COL23A1: variants seen among roughly 807,000 people sequenced by gnomAD.
The protein encoded by COL23A1 is collagen alpha-1(XXIII) chain.
A neutral mutation model predicts 99.3 loss-of-function variants in COL23A1; 97 were observed. The ratio of observed to expected loss-of-function variants is 0.98; its 90% confidence interval spans 0.83 to 1.16. The LOEUF (loss-of-function observed/expected upper bound fraction) is 1.16, where lower values mean the gene tolerates loss of function less well. Ranked by LOEUF, COL23A1 falls within the 50% of genes most tolerant of loss-of-function variation. COL23A1 has a pLI of 0.00. For synonymous variants in COL23A1, 320 were observed against 308.2 expected, an observed-to-expected ratio of 1.04 and a Z score of -0.40; for missense variants, 762 against 757.4, an observed-to-expected ratio of 1.01 and a Z score of -0.07.
intron 1 of COL23A1, among the ~76,000 whole-genome samples, chr5:178,574,391 CCTTT>C (rs1352587154): frequency 5.9e-5 from 9 of 152,172 alleles, no homozygotes; most frequent in African/African-American, 2.2e-4. Context: ...TAAATTATAT[CCTTT>C]CTTTTTTAAG....
intron 2 of COL23A1, among the ~76,000 whole-genome samples, chr5:178,407,267 G>A (rs1428537324): frequency 6.6e-6 from 1 of 152,188 alleles, no homozygotes; most frequent in Non-Finnish European, 1.5e-5. Flanking sequence ...GTCAATGGAA[G>A]CTCAGTTGAA....
Position 178,326,858 on chromosome 5 carries a change from T to A in COL23A1, c.362-19939A>T, listed in dbSNP as rs181344717. Among the ~76,000 whole-genome samples, 82 of 152,334 alleles carry A rather than the reference T, an allele frequency of 5.4e-4. 1 individual carries two copies. Among genetic ancestry groups the A allele is most frequent in the Non-Finnish European group, 8.8e-5 (6 of 68,036 alleles). ...CCTCAGCCTCCTGGGTAGCTGGGAC[T>A]ACAGGCGCCTGCCACCACGCCTGGC... On this transcript the variant is annotated intron_variant, in intron 2 of 28. Transcript: ENST00000390654.
intron 2 of COL23A1, among the ~76,000 whole-genome samples, chr5:178,445,186 A>G (rs182609321): frequency 2.6e-5 from 4 of 152,358 alleles, no homozygotes; most frequent in Admixed American, 6.5e-5. Flanking sequence ...TACGACATTA[A>G]TTAGTCAAAA....
chr5:178,370,960 G>C (rs1762769504), intron 2 of COL23A1, among the ~76,000 whole-genome samples: 1 of 152,002 alleles, frequency 6.6e-6, no homozygotes, highest in East Asian at 1.9e-4. Flanking sequence ...AAGATCTATT[G>C]TATAACATGA....
At chr5:178,321,402 G>C (rs1014903558) in intron 2 of COL23A1, among the ~76,000 whole-genome samples, 3 of 151,096 alleles carry the variant, frequency 2.0e-5, no homozygotes, top group Non-Finnish European at 2.9e-5. Context: ...CATTTGTCCT[G>C]TGACTGTCTT....
chr5:178,478,605 C>T (rs750697058), intron 2 of COL23A1, among the ~76,000 whole-genome samples: 3 of 152,200 alleles, frequency 2.0e-5, no homozygotes, highest in Non-Finnish European at 4.4e-5. Context: ...GGGCGGCAAA[C>T]GTTTCCTGTG....
chr5:178,556,460 T>C (rs1000239255), intron 2 of COL23A1, among the ~76,000 whole-genome samples: 4 of 150,604 alleles, frequency 2.7e-5, no homozygotes, highest in African/African-American at 9.8e-5. Context: ...CCGTCTCTAA[T>C]AAAAATACAA....
intron 2 of COL23A1, among the ~76,000 whole-genome samples, chr5:178,458,768 A>T (rs1231489301): frequency 1.3e-5 from 2 of 152,234 alleles, no homozygotes; most frequent in African/African-American, 4.8e-5. Context: ...GGCAAGCATG[A>T]TCAACAGCAG....
At chr5:178,345,280 T>C (rs2127668715) in intron 2 of COL23A1, 3 of 663,584 alleles carry the variant, frequency 4.5e-6, no homozygotes, top group African/African-American at 3.6e-5. Context: ...TCGGTGCCAG[T>C]AATCTGCCCC....
intron 2 of COL23A1, among the ~76,000 whole-genome samples, chr5:178,443,988 G>A (rs1325512335): frequency 6.6e-6 from 1 of 152,016 alleles, no homozygotes; most frequent in East Asian, 1.9e-4. Context: ...GATCGCTTGA[G>A]CCTGGGAGAT....
intron 2 of COL23A1, among the ~76,000 whole-genome samples, chr5:178,541,910 C>T (rs1387296171): frequency 6.6e-6 from 1 of 152,174 alleles, no homozygotes; most frequent in African/African-American, 2.4e-5. Flanking sequence ...GGATTATGTG[C>T]CCTGGGGACA....
chr5:178,239,068 T>G, intron 28 of COL23A1, 73 bp downstream of exon 28: 1 of 1,537,574 alleles, frequency 6.5e-7, no homozygotes. Context: ...GCACCCAGGC[T>G]CTGGGGCCCT....
intron 2 of COL23A1, among the ~76,000 whole-genome samples, chr5:178,418,891 C>T (rs10042856): frequency 6.6e-6 from 1 of 152,260 alleles, no homozygotes; most frequent in East Asian, 1.9e-4. Flanking sequence ...TAGGATCATG[C>T]AATTACAGGT....
rs749445815 is a variant in COL23A1, at chr5:178,242,415, T to A, written c.1441-21A>T. On this transcript the variant is annotated intron_variant, in intron 25 of 28. Transcript: ENST00000390654. ...AAACCCTGACAAAAGGATTAGATGC[T>A]AAACCCGAAAATGAGGCTGGAGGTT... The A allele has an allele frequency of 5.6e-6, 9 of 1,613,342 alleles. No homozygotes were observed. In the Admixed American group the frequency reaches 1.3e-4, roughly 24 times the overall value.
chr5:178,564,491 C>G (rs1222422812), intron 1 of COL23A1, among the ~76,000 whole-genome samples: 2 of 151,946 alleles, frequency 1.3e-5, no homozygotes, highest in East Asian at 3.9e-4. Context: ...ATTTTACATT[C>G]AATTATCTGG....
chr5:178,384,221 T>G lies in COL23A1; in HGVS notation c.362-77302A>C, dbSNP rs1007382089. On this transcript the variant is annotated intron_variant, in intron 2 of 28. Transcript: ENST00000390654. The surrounding 1 kb of genome is among the most constrained non-coding windows in gnomAD (Gnocchi z 5.5). ...ACGAGAGCAGCGTGGAGCCAGACGCTGCTGCGAGCTGAGCTGCGATCGCAA... is the reference window on the plus strand; with the variant it reads ...ACGAGAGCAGCGTGGAGCCAGACGCGGCTGCGAGCTGAGCTGCGATCGCAA... Among the ~76,000 whole-genome samples the G allele has an allele frequency of 6.6e-6, 1 of 152,186 alleles. No homozygotes were observed. The highest frequency in any genetic ancestry group is 1.5e-5 in the Non-Finnish European group (1 of 68,042).
chr5:178,561,482 G>A (rs954738826), intron 1 of COL23A1, among the ~76,000 whole-genome samples: 3 of 152,164 alleles, frequency 2.0e-5, no homozygotes, highest in Non-Finnish European at 2.9e-5. Flanking sequence ...CTCCTGGCCC[G>A]ATGGAACCCT....
At chr5:178,311,505 TGCGC>T (rs145792009) in intron 2 of COL23A1, among the ~76,000 whole-genome samples, 69 of 9,628 alleles carry the variant, frequency 7.2e-3, no homozygotes, top group African/African-American at 0.032. Flanking sequence ...TGTGTGTGTG[TGCGC>T]GTGTGTGTGT....
intron 3 of COL23A1, among the ~76,000 whole-genome samples, chr5:178,305,650 A>G (rs1464967399): frequency 6.6e-6 from 1 of 152,146 alleles, no homozygotes; most frequent in Admixed American, 6.5e-5. Context: ...GTGGGAGTCC[A>G]GGTAGAGGAG....
Sources: gnomAD v4.1 joint callset for allele counts (sites outside exome capture counted in the v4.1 genomes callset) on GRCh38, gnomAD v4.1.1 for gene constraint, Gnocchi (gnomAD v3.1) non-coding constraint, MANE v1.5 for transcripts, NCBI Gene and HGNC (gene_info 2026-07-23, HGNC 2026-07-21) for gene names.